The following PDE1C variants were observed in gnomAD, a reference collection of about 807,000 sequenced individuals.
PDE1C encodes phosphodiesterase 1C, also known as dual specificity calcium/calmodulin-dependent 3',5'-cyclic nucleotide phosphodiesterase 1C.
A neutral mutation model predicts 93.1 loss-of-function variants in PDE1C; 62 were observed. That is an observed-to-expected ratio of 0.67 (90% CI 0.54 to 0.82). PDE1C has a LOEUF of 0.82. PDE1C is among the 40% of genes least tolerant of loss of function. The pLI, the probability that PDE1C is intolerant of heterozygous loss-of-function variation, is 0.00. For missense variants in PDE1C, 742 were observed against 884.6 expected (o/e 0.84, Z 2.04); for synonymous variants, 325 against 310.1 (o/e 1.05, Z -0.50).
At chr7:31,892,664 C>T (rs945305664) in intron 2 of PDE1C, among the ~76,000 whole-genome samples, 7 of 150,908 alleles carry the variant, frequency 4.6e-5, no homozygotes, top group African/African-American at 1.5e-4. Flanking sequence ...TGTTCTGCTT[C>T]TAAAAGTTTG....
chr7:31,760,759 TACACACACACACAC>T (rs10573498), intron 17 of PDE1C, among the ~76,000 whole-genome samples: 7 of 148,592 alleles, frequency 4.7e-5, no homozygotes, highest in East Asian at 2.0e-4. Flanking sequence ...CTGCAATGTG[TACACACACACACAC>T]ACACACACAC....
intron 2 of PDE1C, among the ~76,000 whole-genome samples, chr7:32,000,806 T>C (rs904366318): frequency 1.9e-4 from 29 of 152,170 alleles, no homozygotes; most frequent in Admixed American, 1.9e-3. Context: ...CAAGCTCCAA[T>C]ACAGCCCCCA....
At chr7:31,679,963 T>G in the PDE1C span, among the ~76,000 whole-genome samples, 3 of 152,140 alleles carry the variant, frequency 2.0e-5, no homozygotes, top group Non-Finnish European at 4.4e-5. Context: ...AAGAGGGCAA[T>G]GAATTAGTTC....
chr7:32,130,466 T>G (rs924207833), intron 3 of PDE1C, among the ~76,000 whole-genome samples: 4 of 152,110 alleles, frequency 2.6e-5, no homozygotes, highest in Non-Finnish European at 5.9e-5. Flanking sequence ...CTGGAAAAAG[T>G]ACCTCACTCT....
At chr7:32,102,476 A>G (rs1798088329) in intron 3 of PDE1C, among the ~76,000 whole-genome samples, 1 of 152,226 alleles carries the variant, frequency 6.6e-6, no homozygotes, top group Non-Finnish European at 1.5e-5. Context: ...AGTGACAGTA[A>G]TAATACTATC....
chr7:32,129,362 T>C (rs1799794355), intron 3 of PDE1C, among the ~76,000 whole-genome samples: 1 of 123,704 alleles, frequency 8.1e-6, no homozygotes, highest in South Asian at 2.3e-4. Flanking sequence ...ATATAAAAAA[T>C]ATTGCAATGA....
intron 2 of PDE1C, among the ~76,000 whole-genome samples, chr7:31,931,457 G>A (rs1467782795): frequency 6.6e-6 from 1 of 152,144 alleles, no homozygotes; most frequent in Non-Finnish European, 1.5e-5. Context: ...GACAAACAGA[G>A]AGCCAAATCA....
chr7:32,037,536 C>T (rs999930765), intron 2 of PDE1C, among the ~76,000 whole-genome samples: 3 of 152,168 alleles, frequency 2.0e-5, no homozygotes, highest in African/African-American at 7.2e-5. Context: ...CACCTTTCCA[C>T]ATCTGGCTGT....
intron 1 of PDE1C, among the ~76,000 whole-genome samples, chr7:32,224,856 A>G (rs747291296): frequency 3.9e-5 from 6 of 152,072 alleles, no homozygotes. Context: ...TTGCATGTTC[A>G]GCACCTTTGA....
chr7:31,668,784 AC>A, the PDE1C span, among the ~76,000 whole-genome samples: 2 of 133,588 alleles, frequency 1.5e-5, no homozygotes, highest in Non-Finnish European at 3.2e-5. Flanking sequence ...CTGTAACTAT[AC>A]TAAAAACCAG....
At chr7:31,792,195 G>A (rs1290827644) in intron 16 of PDE1C, among the ~76,000 whole-genome samples, 1 of 152,018 alleles carries the variant, frequency 6.6e-6, no homozygotes, top group Non-Finnish European at 1.5e-5. Context: ...AGTCACTTAA[G>A]AAATACCCTA....
intron 16 of PDE1C, among the ~76,000 whole-genome samples, chr7:31,782,349 T>C (rs1248446165): frequency 5.9e-5 from 9 of 152,334 alleles, no homozygotes; most frequent in Middle Eastern, 6.8e-3. Context: ...GTATCTACAA[T>C]GATTAATTGT....
At position 32,405,645 on chromosome 7, in the gene PDE1C, C is replaced by T. The variant is rs535035015; in HGVS notation, c.310+22177G>A. 1.6e-3 allele frequency among the ~76,000 whole-genome samples: 237 copies of T among 152,262 alleles called. 2 individuals are homozygous for T. Among genetic ancestry groups the T allele is most frequent in the African/African-American group, 5.5e-3 (228 of 41,558 alleles). On this transcript the variant is annotated intron_variant, in intron 1 of 1. Transcript: ENST00000672256. ...TATGCAGGGGTTTCACCTGCAACTTCCCAGTTAACTTGAGGCTGAGGCCTT... is the reference window on the plus strand; with the variant it reads ...TATGCAGGGGTTTCACCTGCAACTTTCCAGTTAACTTGAGGCTGAGGCCTT...
intron 1 of PDE1C, among the ~76,000 whole-genome samples, chr7:32,395,980 G>T (rs1383987129): frequency 6.6e-6 from 1 of 152,088 alleles, no homozygotes; most frequent in Non-Finnish European, 1.5e-5. Context: ...TAAAAACTCA[G>T]TAGTCCCTAA....
At chr7:32,417,894 C>A (rs1785307218) in intron 1 of PDE1C, among the ~76,000 whole-genome samples, 1 of 152,150 alleles carries the variant, frequency 6.6e-6, no homozygotes, top group African/African-American at 2.4e-5. Flanking sequence ...CTCTTGTTGA[C>A]CTATCAATTT....
At chr7:32,062,569 C>G (rs1292231567) in intron 1 of PDE1C, among the ~76,000 whole-genome samples, 3 of 152,230 alleles carry the variant, frequency 2.0e-5, no homozygotes, top group Admixed American at 2.0e-4. Context: ...GCATGCGTCT[C>G]TTTTCCTCAG....
chr7:31,739,251 A>G, the PDE1C span, among the ~76,000 whole-genome samples: 1 of 143,830 alleles, frequency 7.0e-6, no homozygotes, highest in African/African-American at 2.5e-5. Flanking sequence ...GCTCTTCTGG[A>G]GCAAATTTTA....
At chr7:32,400,250 GA>G (rs775686560) in intron 1 of PDE1C, among the ~76,000 whole-genome samples, 1 of 152,200 alleles carries the variant, frequency 6.6e-6, no homozygotes, top group African/African-American at 2.4e-5. Flanking sequence ...GTCTAGCACA[GA>G]AAATGGTTTT....
At chr7:32,038,112 A>G (rs1396113950) in intron 2 of PDE1C, among the ~76,000 whole-genome samples, 1 of 152,178 alleles carries the variant, frequency 6.6e-6, no homozygotes, top group African/African-American at 2.4e-5. Context: ...AGATAAATAC[A>G]GGGATCAAAA....
Sources: allele counts gnomAD v4.1 joint callset (sites outside exome capture counted in the v4.1 genomes callset), GRCh38; gene constraint gnomAD v4.1.1; transcripts MANE v1.5; gene names NCBI Gene and HGNC (gene_info 2026-07-23, HGNC 2026-07-21).